The following RGSL1 variants were observed in gnomAD, a reference collection of about 807,000 sequenced individuals.
RGSL1 encodes the protein regulator of G protein signaling like 1.
RGSL1 carries 97 observed loss-of-function variants against 124.7 expected under a neutral mutation model. That is an observed-to-expected ratio of 0.78 (90% CI 0.66 to 0.92). The LOEUF (loss-of-function observed/expected upper bound fraction) is 0.92. RGSL1 is among the 40% of genes least tolerant of loss of function. RGSL1 has a pLI of 0.00. For synonymous variants in RGSL1, 424 were observed against 438.1 expected, an observed-to-expected ratio of 0.97 and a Z score of 0.40; for missense variants, 1,233 against 1,288.4, an observed-to-expected ratio of 0.96 and a Z score of 0.66.
rs1210448658 is a variant in RGSL1 at position 182,556,237 on chromosome 1, G to A, written c.*165+15G>A. 1.5e-5 allele frequency: 9 copies of A among 599,860 alleles called. No individual in the cohort carries two copies. The highest frequency in any genetic ancestry group is 6.8e-5 in the South Asian group (3 of 44,016). 37.2% of individuals were successfully genotyped at this position (599,860 alleles called of 1,614,324 possible). A position where few individuals can be genotyped will look rare whatever the true frequency, so the allele number is the denominator to read the frequency against. On this transcript the variant is annotated intron_variant, in intron 21 of 21. Transcript: ENST00000294854. ...GACTGCAATGGGTAAGACTTGGGCA[G>A]AGCATGAGAGGAAGCGCATCTTTCC...
intron 18 of RGSL1, among the ~76,000 whole-genome samples, chr1:182,552,051 G>T (rs115529846): frequency 3.9e-5 from 6 of 152,056 alleles, no homozygotes; most frequent in Admixed American, 3.3e-4. Flanking sequence ...ACAAAATCAC[G>T]TAATGACACA....
intron 9 of RGSL1, among the ~76,000 whole-genome samples, chr1:182,505,061 T>A (rs1439293360): frequency 6.6e-6 from 1 of 152,194 alleles, no homozygotes; most frequent in Non-Finnish European, 1.5e-5. Flanking sequence ...CCCAACTTCA[T>A]CTTTTCCCAG....
chr1:182,552,362 C>G (rs767318312), intron 18 of RGSL1, among the ~76,000 whole-genome samples: 11 of 152,232 alleles, frequency 7.2e-5, no homozygotes, highest in Middle Eastern at 3.4e-3. Context: ...GATCCACCCC[C>G]CTCAGTGTCC....
intron 12 of RGSL1, 43 bp downstream of exon 12, chr1:182,530,404 T>C (rs1415613310): frequency 6.8e-6 from 10 of 1,470,760 alleles, no homozygotes; most frequent in Non-Finnish European, 9.3e-6. Flanking sequence ...CTGGAGTTGC[T>C]CCTTGGCTTC....
intron 4 of RGSL1, among the ~76,000 whole-genome samples, chr1:182,468,333 C>T (rs12754292): frequency 0.11 from 16,024 of 152,202 alleles, 990 homozygotes; most frequent in South Asian, 0.13. Flanking sequence ...TTTATTTCAG[C>T]ACTATTCACA....
chr1:182,460,320 G>T (rs1430540244), intron 4 of RGSL1, among the ~76,000 whole-genome samples, 187 bp downstream of exon 4: 2 of 152,120 alleles, frequency 1.3e-5, no homozygotes, highest in African/African-American at 4.8e-5. Flanking sequence ...AATACTGGCT[G>T]AATTTATAGA....
intron 11 of RGSL1, among the ~76,000 whole-genome samples, chr1:182,529,895 C>G (rs919491843): frequency 1.3e-5 from 2 of 152,090 alleles, no homozygotes; most frequent in Non-Finnish European, 2.9e-5. Flanking sequence ...CCCCGTCTGC[C>G]CAGCAATTTA....
At chr1:182,500,841 C>G (rs1656298834) in intron 9 of RGSL1, among the ~76,000 whole-genome samples, 1 of 152,046 alleles carries the variant, frequency 6.6e-6, no homozygotes. Flanking sequence ...GAATTTGTAT[C>G]CTAAAACTTT....
At chr1:182,488,886 C>T in intron 7 of RGSL1, 94 bp from the exon 8 acceptor site, 1 of 950,042 alleles carries the variant, frequency 1.1e-6, no homozygotes, top group African/African-American at 1.7e-5. Flanking sequence ...GACCATGTAA[C>T]AGGGAGGCAT....
Position 182,522,091 on chromosome 1 carries a change from A to T in RGSL1, c.1913A>T (p.Lys638Met). The T allele has an allele frequency of 6.5e-7, 1 of 1,549,962 alleles. No individual in the cohort carries two copies. The highest frequency in any genetic ancestry group is 8.7e-7 in the Non-Finnish European group (1 of 1,146,250). The change falls in exon 10 of 22, where the codon AAG (lysine) becomes ATG (methionine). Residue 638 changes from lysine (K) to methionine (M), a missense_variant. Transcript: ENST00000294854. ...TTGCTCAAAAGAACTCTTGTAAGGA[A>T]GCCATCAATGAGACCCAGGTGAGAT... ...MSLLKRTLVR[K>M]PSMRPRNLTE...
At chr1:182,513,434 G>A (rs1026256914) in intron 9 of RGSL1, among the ~76,000 whole-genome samples, 8 of 152,184 alleles carry the variant, frequency 5.3e-5, no homozygotes, top group Admixed American at 4.6e-4. Flanking sequence ...GGAAAGAATC[G>A]AGTGCCAAAG....
intron 6 of RGSL1, among the ~76,000 whole-genome samples, chr1:182,476,867 T>G (rs866638533): frequency 6.6e-6 from 1 of 151,930 alleles, no homozygotes; most frequent in Admixed American, 6.5e-5. Context: ...TACAGATAAC[T>G]GCATGGCTTA....
intron 11 of RGSL1, among the ~76,000 whole-genome samples, 183 bp from the exon 12 acceptor site, chr1:182,530,061 T>C (rs992760260): frequency 2.0e-5 from 3 of 152,094 alleles, no homozygotes; most frequent in African/African-American, 7.2e-5. Flanking sequence ...CAAATGCATT[T>C]GTACATAGCA....
intron 9 of RGSL1, among the ~76,000 whole-genome samples, chr1:182,511,235 G>A (rs566580): frequency 0.86 from 131,259 of 152,150 alleles, 56,933 homozygotes; most frequent in African/African-American, 0.9. Context: ...GCATGATCTC[G>A]GCTCACTGCA....
At chr1:182,492,243 G>T (rs762522954) in intron 8 of RGSL1, among the ~76,000 whole-genome samples, 1 of 152,128 alleles carries the variant, frequency 6.6e-6, no homozygotes, top group African/African-American at 2.4e-5. Flanking sequence ...CCCGCACTTC[G>T]GGAGGCCAAG....
intron 6 of RGSL1, among the ~76,000 whole-genome samples, chr1:182,482,080 C>A (rs1040283671): frequency 3.9e-5 from 6 of 152,116 alleles, no homozygotes; most frequent in African/African-American, 1.4e-4. Flanking sequence ...GATGGCTTGA[C>A]CTATGCAAAT....
At chr1:182,526,522 T>TCTC (rs1658756536) in intron 10 of RGSL1, among the ~76,000 whole-genome samples, 3 of 151,508 alleles carry the variant, frequency 2.0e-5, no homozygotes, top group Non-Finnish European at 2.9e-5. Flanking sequence ...AACACAAACA[T>TCTC]TATTAGCAGG....
At chr1:182,485,808 T>C (rs1473788273) in intron 6 of RGSL1, among the ~76,000 whole-genome samples, 1 of 152,090 alleles carries the variant, frequency 6.6e-6, no homozygotes, top group Admixed American at 6.5e-5. Flanking sequence ...AACATTTCTT[T>C]ATAGTAGGGA....
chr1:182,459,997 A>T lies in RGSL1; in HGVS notation c.172-7A>T, dbSNP rs762008515. ...GCATTTTTGTTTCTATTTTGCTTTGACTCTAGATTGCCAAATACAAAGGGT... is the reference window on the plus strand; with the variant it reads ...GCATTTTTGTTTCTATTTTGCTTTGTCTCTAGATTGCCAAATACAAAGGGT... On this transcript the variant is annotated splice_region_variant and splice_polypyrimidine_tract_variant and intron_variant, in intron 3 of 21. Coordinates refer to ENST00000294854, the MANE Select transcript of RGSL1 (RefSeq NM_001137669.2). 4.1e-5 allele frequency: 64 copies of T among 1,548,874 alleles called. No homozygotes were observed. The highest frequency in any genetic ancestry group is 5.2e-5 in the Non-Finnish European group (60 of 1,146,260).
Sources: gnomAD v4.1 joint callset for allele counts (sites outside exome capture counted in the v4.1 genomes callset) on GRCh38, gnomAD v4.1.1 for gene constraint, MANE v1.5 for transcripts, NCBI Gene and HGNC (gene_info 2026-07-23, HGNC 2026-07-21) for gene names.